Variants in VAV2 observed in about 807,000 individuals in gnomAD.
VAV2 encodes vav guanine nucleotide exchange factor 2, also known as guanine nucleotide exchange factor VAV2.
A neutral mutation model predicts 132.5 loss-of-function variants in VAV2; 67 were observed. That is an observed-to-expected ratio of 0.51 (90% CI 0.42 to 0.62). The LOEUF is 0.62. VAV2 is among the 20% of genes least tolerant of loss of function. The pLI is 0.00. For missense variants in VAV2, 938 were observed against 1,153.6 expected (o/e 0.81, Z 2.71); for synonymous variants, 492 against 443.5 (o/e 1.11, Z -1.37).
intron 2 of VAV2, among the ~76,000 whole-genome samples, chr9:133,929,827 G>A (rs895895628): frequency 1.3e-5 from 2 of 152,084 alleles, no homozygotes; most frequent in East Asian, 1.9e-4. Context: ...TGTCCCCACC[G>A]CCAGTGTCCC....
Position 133,848,324 on chromosome 9 carries a change from A to G in VAV2, c.380+13050T>C, listed in dbSNP as rs72762853. Among the ~76,000 whole-genome samples, 577 of 151,918 alleles carry G rather than the reference A, an allele frequency of 3.8e-3. 1 individual carries two copies. Among genetic ancestry groups the G allele is most frequent in the Non-Finnish European group, 6.1e-3 (412 of 67,946 alleles). ...AAAAAATCCAAAGCAATGAAGATGA[A>G]ACGAAACAGTATTTGAATTTTGATA... On this transcript the variant is annotated intron_variant, in intron 3 of 29. Transcript: ENST00000371850.
intron 1 of VAV2, among the ~76,000 whole-genome samples, chr9:133,944,750 G>C (rs1014617138): frequency 1.2e-4 from 19 of 152,256 alleles, no homozygotes; most frequent in Admixed American, 1.0e-3. Flanking sequence ...GGCCTGCGTC[G>C]TCAAGGCAGG....
chr9:133,989,806 G>T (rs938173615), intron 1 of VAV2, among the ~76,000 whole-genome samples: 1 of 152,252 alleles, frequency 6.6e-6, no homozygotes, highest in African/African-American at 2.4e-5. Context: ...CACGTTGAAT[G>T]AACAGGCGGG....
chr9:133,834,511 C>T lies in VAV2; in HGVS notation c.381-171G>A, dbSNP rs552226968. On this transcript the variant is annotated intron_variant, in intron 3 of 29. Coordinates refer to ENST00000371850, the MANE Select transcript of VAV2 (RefSeq NM_001134398.2). This position sits in a 1 kb window ranked among gnomAD's most constrained non-coding sequence, Gnocchi z 5.9. The stretch of plus-strand genomic sequence containing the variant: ...GCGGACACTGATCGGAGTCACAGGA[C>T]GAGCCAACTGGGCCATAGGGCAAGA... 8.5e-4 allele frequency among the ~76,000 whole-genome samples: 129 copies of T among 152,362 alleles called. 2 individuals carry two copies. Among genetic ancestry groups the T allele is most frequent in the African/African-American group, 2.7e-3 (112 of 41,592 alleles).
chr9:133,921,348 C>T (rs887007151), intron 2 of VAV2, among the ~76,000 whole-genome samples: 15 of 152,354 alleles, frequency 9.8e-5, no homozygotes, highest in Middle Eastern at 3.4e-3. Context: ...GACCACTGAA[C>T]GTCCACAGGC....
chr9:133,831,351 A>C (rs1015857430), intron 4 of VAV2, among the ~76,000 whole-genome samples: 1 of 151,840 alleles, frequency 6.6e-6, no homozygotes, highest in Admixed American at 6.6e-5. Flanking sequence ...CAGGAAAATC[A>C]CTTGAACCCT....
In VAV2 at chr9:133,912,436, G is replaced by A. The variant is rs572335741; in HGVS notation, c.321+26667C>T. ...ACAGTGTGCCTAGATGAAGGAACCA[G>A]GACGCAGTGGCGCTTTTCCATCTGT... On this transcript the variant is annotated intron_variant, in intron 2 of 29. Coordinates refer to ENST00000371850, the MANE Select transcript of VAV2 (RefSeq NM_001134398.2). This position sits in a 1 kb window ranked among gnomAD's most constrained non-coding sequence, Gnocchi z 4.3. Among the ~76,000 whole-genome samples, 12 of 152,294 alleles carry A rather than the reference G, an allele frequency of 7.9e-5. 1 individual carries two copies. In the South Asian group the frequency reaches 2.3e-3, roughly 29 times the overall value.
intron 22 of VAV2, 132 bp downstream of exon 22, chr9:133,778,630 C>T (rs1833897853): frequency 7.3e-7 from 1 of 1,369,212 alleles, no homozygotes; most frequent in African/African-American, 1.5e-5. Flanking sequence ...GCCCCCTGTG[C>T]CTCCTCCTCC....
intron 4 of VAV2, among the ~76,000 whole-genome samples, chr9:133,813,622 G>A (rs1835442823): frequency 2.0e-5 from 3 of 152,352 alleles, no homozygotes; most frequent in South Asian, 4.1e-4. Flanking sequence ...GGTGAGCCCA[G>A]CTCCTGCCTT....
At chr9:133,796,238 C>T (rs1294140510) in intron 11 of VAV2, among the ~76,000 whole-genome samples, 191 bp downstream of exon 11, 5 of 152,206 alleles carry the variant, frequency 3.3e-5, no homozygotes, top group African/African-American at 1.2e-4. Context: ...TCATCATTTT[C>T]CTCTGTGTAT....
rs970808483 is a variant in VAV2, at chr9:133,826,547, G to A, written c.449+7725C>T. ...CTGTGAGGTTGCAGGACCCTGCTCT[G>A]CAGACAAGGATGCTCCTGGTGGGGC... On this transcript the variant is annotated intron_variant, in intron 4 of 29. Coordinates refer to ENST00000371850, the MANE Select transcript of VAV2 (RefSeq NM_001134398.2). The surrounding 1 kb of genome is among the most constrained non-coding windows in gnomAD (Gnocchi z 4.2). 6.6e-6 allele frequency among the ~76,000 whole-genome samples: 1 copy of A among 152,182 alleles called. No homozygotes were observed. The highest frequency in any genetic ancestry group is 2.4e-5 in the African/African-American group (1 of 41,436).
At chr9:133,786,282 C>A (rs1834220351) in intron 16 of VAV2, among the ~76,000 whole-genome samples, 1 of 152,244 alleles carries the variant, frequency 6.6e-6, no homozygotes, top group Non-Finnish European at 1.5e-5. Flanking sequence ...ACACTTGTAT[C>A]TGTCCCTGCA....
rs1441178732 is a variant in VAV2, at chr9:133,796,521, A to C, written c.940T>G (p.Cys314Gly). The change falls in exon 11 of 30, where the codon TGC becomes GGC. Residue 314 changes from cysteine to glycine, a missense_variant. Cys to Gly is a radical substitution (Grantham distance 159). Coordinates refer to ENST00000371850, the MANE Select transcript of VAV2 (RefSeq NM_001134398.2). ...REDFRQKVEE[C>G]TLKVQDGKFK... ...TTTCCATCCTGGACCTTCAGTGTGC[A>C]CTCCTGGGAGGGCGACAGGGCGATG... 3.7e-6 allele frequency: 6 copies of C among 1,612,810 alleles called. No homozygotes were observed. The African/African-American group carries it at 8.0e-5, about 22-fold the overall frequency.
intron 9 of VAV2, among the ~76,000 whole-genome samples, chr9:133,805,613 C>T (rs1258098708): frequency 6.6e-6 from 1 of 152,076 alleles, no homozygotes; most frequent in East Asian, 1.9e-4. Context: ...CCTCCCCAGC[C>T]TCCGGCAGCC....
In VAV2 at chr9:133,918,651, C is replaced by T. The variant is rs1840188370; in HGVS notation, c.321+20452G>A. 6.6e-6 allele frequency among the ~76,000 whole-genome samples: 1 copy of T among 152,064 alleles called. No individual in the cohort carries two copies. Among genetic ancestry groups the T allele is most frequent in the African/African-American group, 2.4e-5 (1 of 41,402 alleles). On this transcript the variant is annotated intron_variant, in intron 2 of 29. Coordinates refer to ENST00000371850, the MANE Select transcript of VAV2 (RefSeq NM_001134398.2). The surrounding 1 kb of genome is among the most constrained non-coding windows in gnomAD (Gnocchi z 4.7). ...GAGTCATGTAGCATGCCCGAGGTCG[C>T]GCCTTTAATAAACACACAGGCAGAC... is the stretch of plus-strand genomic sequence containing the variant.
At chr9:133,916,464 C>T (rs1438075454) in intron 2 of VAV2, among the ~76,000 whole-genome samples, 1 of 152,210 alleles carries the variant, frequency 6.6e-6, no homozygotes, top group Non-Finnish European at 1.5e-5. Flanking sequence ...TCGGCGTCAC[C>T]ATCCCAGAGC....
intron 1 of VAV2, among the ~76,000 whole-genome samples, chr9:133,970,704 G>A (rs1252249693): frequency 6.6e-6 from 1 of 152,170 alleles, no homozygotes; most frequent in Admixed American, 6.5e-5. Flanking sequence ...TCAGGCCCCA[G>A]GGGCAGGCAG....
chr9:133,785,628 T>C (rs1588171010), intron 17 of VAV2, 148 bp downstream of exon 17: 9 of 640,764 alleles, frequency 1.4e-5, no homozygotes, highest in Non-Finnish European at 2.5e-5. Flanking sequence ...GTCCCAGGGG[T>C]GATGGAGGTT....
At chr9:133,815,630 C>T (rs1835527307) in intron 4 of VAV2, among the ~76,000 whole-genome samples, 1 of 152,202 alleles carries the variant, frequency 6.6e-6, no homozygotes, top group South Asian at 2.1e-4. Flanking sequence ...CCCACATTTG[C>T]AGCTCATTCC....
Sources: gnomAD v4.1 joint callset for allele counts (sites outside exome capture counted in the v4.1 genomes callset) on GRCh38, gnomAD v4.1.1 for gene constraint, Gnocchi (gnomAD v3.1) non-coding constraint, MANE v1.5 for transcripts, NCBI Gene and HGNC (gene_info 2026-07-23, HGNC 2026-07-21) for gene names.